NUAK1: variants seen among roughly 807,000 people sequenced by gnomAD.
NUAK1 encodes the protein NUAK family SNF1-like kinase 1.
Under a neutral mutation model 56.9 loss-of-function variants are expected in NUAK1, and 26 were observed. That is an observed-to-expected ratio of 0.46 (90% CI 0.33 to 0.63). The LOEUF (loss-of-function observed/expected upper bound fraction) is 0.63, where lower values mean the gene tolerates loss of function less well. Ranked by LOEUF, NUAK1 falls within the 30% of genes least tolerant of loss-of-function variation. NUAK1 has a pLI of 0.02. For missense variants in NUAK1, 727 were observed against 876.1 expected, an observed-to-expected ratio of 0.83 and a Z score of 2.15; for synonymous variants, 337 against 336.0, an observed-to-expected ratio of 1.00 and a Z score of -0.03.
At chr12:106,081,631 C>G (rs2136460424) in intron 4 of NUAK1, among the ~76,000 whole-genome samples, 1 of 152,340 alleles carries the variant, frequency 6.6e-6, no homozygotes, top group Admixed American at 6.5e-5. Flanking sequence ...AAGCCATTCT[C>G]CTGGGCTCCT....
intron 3 of NUAK1, 66 bp downstream of exon 3, chr12:106,086,668 G>GAA: frequency 6.6e-7 from 1 of 1,517,720 alleles, no homozygotes; most frequent in Non-Finnish European, 8.9e-7. Context: ...TTTATAATAG[G>GAA]AAAAAAATCA....
chr12:106,068,008 T>G (rs754878372), intron 6 of NUAK1, 53 bp from the exon 7 acceptor site: 41 of 1,533,116 alleles, frequency 2.7e-5, no homozygotes, highest in Non-Finnish European at 3.5e-5. Flanking sequence ...CTTCTGGCTT[T>G]GTGATAGTGG....
At chr12:106,092,984 T>C (rs1032736455) in intron 2 of NUAK1, among the ~76,000 whole-genome samples, 1 of 152,200 alleles carries the variant, frequency 6.6e-6, no homozygotes, top group Non-Finnish European at 1.5e-5. Flanking sequence ...TTTTGGTACA[T>C]GTTAAAGGGA....
At chr12:106,069,336 A>G (rs2032379403) in intron 6 of NUAK1, among the ~76,000 whole-genome samples, 1 of 152,094 alleles carries the variant, frequency 6.6e-6, no homozygotes, top group Non-Finnish European at 1.5e-5. Context: ...TATTATACAA[A>G]TTGTCCTTTT....
rs139129322 is a variant in NUAK1 at position 106,082,695 on chromosome 12, G to A, written c.579+1169C>T. On this transcript the variant is annotated intron_variant, in intron 4 of 6. Transcript: ENST00000261402. ...GTCAAACACTCTGCAAGAGCAAGAG[G>A]TCACTGGGTCATGGCTTCCAGGGGC... Among the ~76,000 whole-genome samples the A allele has an allele frequency of 1.4e-3, 217 of 152,294 alleles. 1 individual carries two copies. Among genetic ancestry groups the A allele is most frequent in the African/African-American group, 5.1e-3 (212 of 41,540 alleles).
At chr12:106,110,066 G>C (rs2032843046) in intron 1 of NUAK1, among the ~76,000 whole-genome samples, 1 of 152,128 alleles carries the variant, frequency 6.6e-6, no homozygotes, top group African/African-American at 2.4e-5. Context: ...AAATCAGGAA[G>C]ATCAGATCAG....
At position 106,067,291 on chromosome 12, in the gene NUAK1, G is replaced by T. The variant is rs201594672; in HGVS notation, c.1497C>A (p.Ser499Arg). 3.2e-4 allele frequency: 524 copies of T among 1,613,974 alleles called. 1 individual carries two copies. Among genetic ancestry groups the T allele is most frequent in the Non-Finnish European group, 4.3e-4 (502 of 1,179,960 alleles). ...CCGGGGGGCTGGGGGAGGGGATGCTGCTGCCCATCACATCATTACTGTCCA... is the reference window on the plus strand; with the variant it reads ...CCGGGGGGCTGGGGGAGGGGATGCTTCTGCCCATCACATCATTACTGTCCA... ...ELLDSNDVMG[S>R]SIPSPSPPDP... Residue 499 changes from serine (S) to arginine (R), a missense_variant, in exon 7 of 7, where the codon AGC becomes AGA. Transcript: ENST00000261402. The surrounding 1 kb of genome is among the most constrained non-coding windows in gnomAD (Gnocchi z 6.0).
In NUAK1 at chr12:106,066,961, C is replaced by G; in HGVS notation, c.1827G>C (p.Gln609His). Residue 609 changes from glutamine to histidine, a missense_variant, in exon 7 of 7, where the codon CAG becomes CAC. Coordinates refer to ENST00000261402, the MANE Select transcript of NUAK1 (RefSeq NM_014840.3). ...RSCVSAENFL[Q>H]IQDFEGLQNR... is the part of the protein sequence containing the mutation. ...TCTGGAGCCCCTCAAAGTCCTGGATCTGGAGGAAGTTTTCTGCAGAGACGC... is the reference window on the plus strand; with the variant it reads ...TCTGGAGCCCCTCAAAGTCCTGGATGTGGAGGAAGTTTTCTGCAGAGACGC... The G allele has an allele frequency of 6.2e-7, 1 of 1,614,252 alleles. No homozygotes were observed. Among genetic ancestry groups the G allele is most frequent in the Non-Finnish European group, 8.5e-7 (1 of 1,180,042 alleles).
intron 4 of NUAK1, among the ~76,000 whole-genome samples, chr12:106,073,357 C>T (rs1219846303): frequency 6.6e-6 from 1 of 152,152 alleles, no homozygotes; most frequent in East Asian, 1.9e-4. Context: ...CTGATCAGAA[C>T]TGTATTTTGC....
rs377055296 is a variant in NUAK1 at position 106,080,128 on chromosome 12, C to T, written c.579+3736G>A. Among the ~76,000 whole-genome samples the T allele has an allele frequency of 1.2e-4, 19 of 152,362 alleles. No homozygotes were observed. The East Asian group carries it at 3.7e-3, about 29-fold the overall frequency. ...TCATCAAAGCCCAGAGGCTGACTCT[C>T]AGCTGCCCCACTTGGTCTTATTAAG... is the stretch of plus-strand genomic sequence containing the variant. On this transcript the variant is annotated intron_variant, in intron 4 of 6. Transcript: ENST00000261402.
chr12:106,130,187 G>A (rs1451833892), intron 1 of NUAK1, among the ~76,000 whole-genome samples: 1 of 152,140 alleles, frequency 6.6e-6, no homozygotes, highest in Non-Finnish European at 1.5e-5. Flanking sequence ...TCACCATGTT[G>A]GCCAGGCTGG....
At chr12:106,131,518 A>G (rs1003181283) in intron 1 of NUAK1, among the ~76,000 whole-genome samples, 1 of 152,182 alleles carries the variant, frequency 6.6e-6, no homozygotes, top group South Asian at 2.1e-4. Context: ...TGTATTAAGT[A>G]CCTCATTCCT....
At chr12:106,078,341 G>A (rs2136459221) in intron 4 of NUAK1, among the ~76,000 whole-genome samples, 1 of 152,382 alleles carries the variant, frequency 6.6e-6, no homozygotes, top group African/African-American at 2.4e-5. Flanking sequence ...GAAGATTGCA[G>A]ATAGTGGAAT....
chr12:106,101,621 A>G (rs749349939), intron 2 of NUAK1, among the ~76,000 whole-genome samples: 1 of 152,200 alleles, frequency 6.6e-6, no homozygotes, highest in Non-Finnish European at 1.5e-5. Flanking sequence ...TCAGACCAGA[A>G]TTGTGAGAAA....
chr12:106,099,509 C>T (rs2032727528), intron 2 of NUAK1, among the ~76,000 whole-genome samples: 1 of 152,134 alleles, frequency 6.6e-6, no homozygotes, highest in African/African-American at 2.4e-5. Context: ...AACAATACTT[C>T]CCTCCAGTTA....
At chr12:106,129,524 G>C (rs1172130307) in intron 1 of NUAK1, among the ~76,000 whole-genome samples, 1 of 152,212 alleles carries the variant, frequency 6.6e-6, no homozygotes, top group Non-Finnish European at 1.5e-5. Flanking sequence ...AAGGACACGA[G>C]ACACGGGGCT....
At chr12:106,090,946 T>A (rs1401251780) in intron 2 of NUAK1, among the ~76,000 whole-genome samples, 1 of 152,208 alleles carries the variant, frequency 6.6e-6, no homozygotes, top group Non-Finnish European at 1.5e-5. Flanking sequence ...GGATTTATAA[T>A]GTATAAGAGC....
At chr12:106,130,910 T>C (rs1298136793) in intron 1 of NUAK1, among the ~76,000 whole-genome samples, 2 of 152,208 alleles carry the variant, frequency 1.3e-5, no homozygotes, top group African/African-American at 2.4e-5. Flanking sequence ...GAAGAACTAT[T>C]GTGAGCCCTA....
intron 1 of NUAK1, among the ~76,000 whole-genome samples, chr12:106,129,409 G>T (rs1427113015): frequency 6.6e-6 from 1 of 152,230 alleles, no homozygotes; most frequent in Non-Finnish European, 1.5e-5. Flanking sequence ...GCTACAGGCT[G>T]GGCTGCAGTG....
Sources: allele counts gnomAD v4.1 joint callset (sites outside exome capture counted in the v4.1 genomes callset), GRCh38; gene constraint gnomAD v4.1.1; non-coding constraint Gnocchi (gnomAD v3.1); transcripts MANE v1.5; gene names NCBI Gene and HGNC (gene_info 2026-07-23, HGNC 2026-07-21).